The following RBMS3 variants were observed in gnomAD, a reference collection of about 807,000 sequenced individuals.
The protein encoded by RBMS3 is RNA binding motif single stranded interacting protein 3.
In RBMS3, 27 loss-of-function variants were observed where a neutral mutation model predicts 66.8. The observed-to-expected ratio is 0.40, with a 90% CI of 0.30 to 0.56. RBMS3 has a LOEUF of 0.56. RBMS3 is among the 20% of genes least tolerant of loss of function. The pLI is 0.40. For synonymous variants in RBMS3, 188 were observed against 183.0 expected (o/e 1.03, Z -0.22); for missense variants, 513 against 549.5 (o/e 0.93, Z 0.66).
intron 1 of RBMS3, among the ~76,000 whole-genome samples, chr3:29,287,059 G>C (rs1359922136): frequency 6.6e-6 from 1 of 152,122 alleles, no homozygotes; most frequent in African/African-American, 2.4e-5. Flanking sequence ...AGATGGAACT[G>C]AAGGGAGACC....
chr3:29,549,336 C>T (rs1363777690), intron 3 of RBMS3, among the ~76,000 whole-genome samples: 1 of 151,722 alleles, frequency 6.6e-6, no homozygotes, highest in African/African-American at 2.4e-5. Context: ...GCTTTTGGTC[C>T]TCTAGTCCTG....
rs759309659 is a variant in RBMS3 at position 30,005,516 on chromosome 3, G to C, written c.*1654G>C. On this transcript the variant is annotated 3_prime_UTR_variant, in exon 15 of 15. Transcript: ENST00000383767. ...AAGGTCATTTGTCAAAAAAGCTTAG[G>C]GATATTCTGTGAAATGGTGAGTGGT... 2 of 151,760 alleles carry C rather than the reference G, an allele frequency of 1.3e-5. No homozygotes were observed. Among genetic ancestry groups the C allele is most frequent in the African/African-American group, 4.8e-5 (2 of 41,364 alleles). The allele number at this position is 151,760 out of a possible 1,614,324, so 9.4% of individuals were successfully genotyped here. A position where few individuals can be genotyped will look rare whatever the true frequency, so the allele number is the denominator to read the frequency against.
intron 6 of RBMS3, among the ~76,000 whole-genome samples, chr3:29,863,385 A>G (rs2059266654): frequency 6.6e-6 from 1 of 152,196 alleles, no homozygotes; most frequent in African/African-American, 2.4e-5. Flanking sequence ...AATAATAAAA[A>G]GAAAATGTAT....
rs527709524 is a variant in RBMS3 at position 29,961,944 on chromosome 3, C to T, written c.1098+17690C>T. Among the ~76,000 whole-genome samples the T allele has an allele frequency of 2.7e-5, 4 of 147,514 alleles. No homozygotes were observed. In the South Asian group the frequency reaches 6.4e-4, roughly 24 times the overall value. On this transcript the variant is annotated intron_variant, in intron 12 of 14. Coordinates refer to ENST00000383767, the MANE Select transcript of RBMS3 (RefSeq NM_001003793.3). ...TTAATTTTTCTTTATCAGTCAAACT[C>T]CTTCCTTCCAGAATTATACATATAT...
chr3:29,935,317 A>G (rs2061237802), intron 10 of RBMS3, among the ~76,000 whole-genome samples: 1 of 152,054 alleles, frequency 6.6e-6, no homozygotes, highest in Non-Finnish European at 1.5e-5. Context: ...AATTTCTTTT[A>G]TCCCCAACAA....
At chr3:29,627,466 C>T (rs1457808107) in intron 4 of RBMS3, among the ~76,000 whole-genome samples, 1 of 152,064 alleles carries the variant, frequency 6.6e-6, no homozygotes, top group Admixed American at 6.6e-5. Flanking sequence ...TCCAGTGGTA[C>T]AGCATTTTCC....
At chr3:29,836,418 T>C (rs1422706810) in intron 6 of RBMS3, among the ~76,000 whole-genome samples, 1 of 151,950 alleles carries the variant, frequency 6.6e-6, no homozygotes, top group African/African-American at 2.4e-5. Context: ...TACACTATGA[T>C]CAAGTGGTAT....
At chr3:29,360,424 C>T (rs917867241) in intron 1 of RBMS3, among the ~76,000 whole-genome samples, 1 of 151,768 alleles carries the variant, frequency 6.6e-6, no homozygotes, top group Non-Finnish European at 1.5e-5. Flanking sequence ...GTTTGTTGTG[C>T]TTTCTGTTCT....
At chr3:29,570,641 G>T (rs1040116292) in intron 3 of RBMS3, among the ~76,000 whole-genome samples, 6 of 152,064 alleles carry the variant, frequency 3.9e-5, no homozygotes, top group African/African-American at 1.4e-4. Flanking sequence ...CCATGTTGTT[G>T]CAAATGACAG....
At chr3:29,815,913 A>T (rs569621402) in intron 6 of RBMS3, among the ~76,000 whole-genome samples, 9 of 151,898 alleles carry the variant, frequency 5.9e-5, no homozygotes, top group African/African-American at 2.2e-4. Flanking sequence ...ACCGAAAAGC[A>T]CCTGTACTCC....
At chr3:29,919,857 A>C (rs1315746729) in intron 10 of RBMS3, among the ~76,000 whole-genome samples, 2 of 152,188 alleles carry the variant, frequency 1.3e-5, no homozygotes, top group African/African-American at 4.8e-5. Flanking sequence ...TTCATTCACA[A>C]ACTTTGCTCC....
chr3:29,990,049 ACT>A (rs1007897985), intron 13 of RBMS3, among the ~76,000 whole-genome samples: 1 of 152,180 alleles, frequency 6.6e-6, no homozygotes, highest in Non-Finnish European at 1.5e-5. Context: ...ATATAAATAT[ACT>A]CTGATATATT....
chr3:29,816,637 T>C (rs556856882), intron 6 of RBMS3, among the ~76,000 whole-genome samples: 2 of 152,138 alleles, frequency 1.3e-5, no homozygotes, highest in Non-Finnish European at 2.9e-5. Flanking sequence ...TTAATATAAA[T>C]ATATTATTAT....
chr3:29,688,992 C>T (rs781181037), intron 4 of RBMS3, among the ~76,000 whole-genome samples: 4 of 151,986 alleles, frequency 2.6e-5, no homozygotes, highest in African/African-American at 7.3e-5. Context: ...GACAACTTCA[C>T]GATGCTGTTA....
At chr3:29,305,981 G>A (rs1209099401) in intron 1 of RBMS3, among the ~76,000 whole-genome samples, 2 of 151,970 alleles carry the variant, frequency 1.3e-5, no homozygotes, top group Non-Finnish European at 2.9e-5. Flanking sequence ...AGACCAGGGA[G>A]CATTCGTTAC....
rs139486306 is a variant in RBMS3 at position 29,465,525 on chromosome 3, G to A, written c.249-22916G>A. On this transcript the variant is annotated intron_variant, in intron 2 of 14. Transcript: ENST00000383767. The stretch of plus-strand genomic sequence containing the variant: ...GGCTTTAGGGTTTGGGACCCAAACA[G>A]ATGGGAATGTGCCCTTATTTTTTTT... 2.9e-3 allele frequency among the ~76,000 whole-genome samples: 436 copies of A among 148,498 alleles called. 3 individuals are homozygous for A. The highest frequency in any genetic ancestry group is 0.01 in the African/African-American group (421 of 40,350).
chr3:29,538,327 A>G (rs1370793), intron 3 of RBMS3, among the ~76,000 whole-genome samples: 46,700 of 152,090 alleles, frequency 0.31, 8,910 homozygotes, highest in African/African-American at 0.53. Context: ...CAAAAAATAT[A>G]CTTTACAATG....
At chr3:29,336,945 C>G (rs1023065889) in intron 1 of RBMS3, among the ~76,000 whole-genome samples, 1 of 152,060 alleles carries the variant, frequency 6.6e-6, no homozygotes, top group African/African-American at 2.4e-5. Flanking sequence ...ACTTCTAATA[C>G]TCTTTGGTCT....
chr3:29,672,799 T>C (rs529280371), intron 4 of RBMS3, among the ~76,000 whole-genome samples: 2 of 152,256 alleles, frequency 1.3e-5, no homozygotes, highest in African/African-American at 4.8e-5. Flanking sequence ...CTTAGAGACA[T>C]ACAAAGAGGC....
Sources: gnomAD v4.1 joint callset for allele counts (sites outside exome capture counted in the v4.1 genomes callset) on GRCh38, gnomAD v4.1.1 for gene constraint, MANE v1.5 for transcripts, NCBI Gene and HGNC (gene_info 2026-07-23, HGNC 2026-07-21) for gene names.